The following RHBDL2 variants were observed in gnomAD, a reference collection of about 807,000 sequenced individuals.
The protein encoded by RHBDL2 is rhomboid-related protein 2.
Under a neutral mutation model 31.7 loss-of-function variants are expected in RHBDL2, and 26 were observed. The observed-to-expected ratio is 0.82, with a 90% CI of 0.60 to 1.14. The LOEUF is 1.14. Among genes scored for constraint, RHBDL2 ranks in the 50% most tolerant of loss-of-function variants. The probability of loss-of-function intolerance (pLI) is 0.00; values close to 1 mark genes in which losing one functional copy is unlikely to be tolerated. For missense variants in RHBDL2, 336 were observed against 364.4 expected, an observed-to-expected ratio of 0.92 and a Z score of 0.63; for synonymous variants, 123 against 127.2, an observed-to-expected ratio of 0.97 and a Z score of 0.22.
chr1:38,937,800 AC>A (rs1409439256), intron 1 of RHBDL2, among the ~76,000 whole-genome samples: 1 of 152,170 alleles, frequency 6.6e-6, no homozygotes, highest in Non-Finnish European at 1.5e-5. Flanking sequence ...ATTCACTGTG[AC>A]CCAGTATACA....
rs560837194 is a variant in RHBDL2 at position 38,907,474 on chromosome 1, A to T, written c.508+3848T>A. ...AGAATTGCTTGAACCTGGGAGGTGG[A>T]GGTTGCAGTGAGCCGAGATCGCGCC... is the stretch of plus-strand genomic sequence containing the variant. On this transcript the variant is annotated intron_variant, in intron 4 of 7. Transcript: ENST00000372990. Among the ~76,000 whole-genome samples, 18 of 152,328 alleles carry T rather than the reference A, an allele frequency of 1.2e-4. 1 individual carries two copies. The East Asian group carries it at 3.5e-3, about 29-fold the overall frequency.
chr1:38,887,962 C>T lies in RHBDL2; in HGVS notation c.732+1G>A. The T allele has an allele frequency of 6.2e-7, 1 of 1,602,282 alleles. No individual in the cohort carries two copies. On this transcript the variant is annotated splice_donor_variant, in intron 7 of 7. Transcript: ENST00000372990. LOFTEE classifies it high-confidence loss of function. The stretch of plus-strand genomic sequence containing the variant: ...TTATAAAAGAAAGAAACTGAACTCA[C>T]CGGAGACCCATCTTCAGGAACAAAG...
chr1:38,910,308 G>A (rs1643122618), intron 4 of RHBDL2, among the ~76,000 whole-genome samples: 1 of 152,132 alleles, frequency 6.6e-6, no homozygotes, highest in Non-Finnish European at 1.5e-5. Flanking sequence ...TTGTGATACA[G>A]TACTAATGTT....
intron 3 of RHBDL2, among the ~76,000 whole-genome samples, chr1:38,912,904 ATATATATGTG>A (rs1280548972): frequency 1.2e-3 from 40 of 32,588 alleles, no homozygotes; most frequent in African/African-American, 2.8e-3. Flanking sequence ...ATATATATAT[ATATATATGTG>A]TGTGTGTGTG....
At chr1:38,929,329 C>T (rs2124351150) in intron 1 of RHBDL2, 2 of 1,154,606 alleles carry the variant, frequency 1.7e-6, no homozygotes, top group South Asian at 2.6e-5. Flanking sequence ...TCTAGGTGGA[C>T]ACAAGCGTCC....
At chr1:38,920,161 GTTTTCTTT>G (rs1643291922) in intron 1 of RHBDL2, among the ~76,000 whole-genome samples, 2 of 84,200 alleles carry the variant, frequency 2.4e-5, no homozygotes, top group Non-Finnish European at 4.5e-5. Flanking sequence ...TCCTTCACAT[GTTTTCTTT>G]TTTTTTTTTT....
chr1:38,902,201 CT>C (rs770169792), intron 4 of RHBDL2, among the ~76,000 whole-genome samples: 551 of 92,806 alleles, frequency 5.9e-3, no homozygotes, highest in South Asian at 0.044. Flanking sequence ...TTTTCTTTTT[CT>C]TTTTTTTTTT....
At chr1:38,896,221 A>T (rs1474620085) in intron 4 of RHBDL2, 152 bp from the exon 5 acceptor site, 2 of 596,860 alleles carry the variant, frequency 3.4e-6, no homozygotes, top group East Asian at 5.8e-5. Flanking sequence ...ATAGAAGCAT[A>T]GCTGTATATG....
chr1:38,931,993 G>A (rs924787494), intron 1 of RHBDL2, among the ~76,000 whole-genome samples: 4 of 152,138 alleles, frequency 2.6e-5, no homozygotes, highest in Admixed American at 6.6e-5. Flanking sequence ...CCAATACTAC[G>A]TGGCAGAAGC....
chr1:38,917,047 T>C (rs1643247644), intron 2 of RHBDL2, among the ~76,000 whole-genome samples: 1 of 142,078 alleles, frequency 7.0e-6, no homozygotes, highest in African/African-American at 2.6e-5. Flanking sequence ...AGATGGAGTC[T>C]TGCTCTGTAG....
chr1:38,920,166 CTTTTTT>C (rs71057165), intron 1 of RHBDL2, among the ~76,000 whole-genome samples: 1 of 111,396 alleles, frequency 9.0e-6, no homozygotes, highest in Admixed American at 1.2e-4. Context: ...CACATGTTTT[CTTTTTT>C]TTTTTTTTTT....
rs147870493 is a variant in RHBDL2, at chr1:38,915,656, A to G, written c.301T>C (p.Leu101=). ...VWKPQKQWIT[L]DTGILESPFI... ...GGACTCTCCAAGATGCCTGTGTCCAACGTGATCCACTGTTTCTGAGGCTTC... is the reference window on the plus strand; with the variant it reads ...GGACTCTCCAAGATGCCTGTGTCCAGCGTGATCCACTGTTTCTGAGGCTTC... The change falls in exon 3 of 8, where the codon TTG becomes CTG. Residue 101 remains leucine, a synonymous_variant. Coordinates refer to ENST00000372990, the MANE Select transcript of RHBDL2 (RefSeq NM_017821.5). 23 of 1,614,002 alleles carry G rather than the reference A, an allele frequency of 1.4e-5. No homozygotes were observed. Among genetic ancestry groups the G allele is most frequent in the South Asian group, 1.1e-4 (10 of 91,082 alleles).
At chr1:38,908,487 G>C (rs1329110404) in intron 4 of RHBDL2, among the ~76,000 whole-genome samples, 1 of 141,056 alleles carries the variant, frequency 7.1e-6, no homozygotes, top group Admixed American at 7.4e-5. Context: ...ACTCCAACCT[G>C]GGCAACAAGA....
intron 4 of RHBDL2, among the ~76,000 whole-genome samples, chr1:38,903,407 TGGGATTACA>T (rs907419862): frequency 1.3e-5 from 2 of 152,206 alleles, no homozygotes; most frequent in African/African-American, 4.8e-5. Flanking sequence ...CCCAAAGTGC[TGGGATTACA>T]GGCATGAGCT....
chr1:38,937,645 A>G (rs769988353), intron 1 of RHBDL2, among the ~76,000 whole-genome samples: 48 of 152,138 alleles, frequency 3.2e-4, no homozygotes, highest in Non-Finnish European at 5.7e-4. Context: ...GCTAGATATA[A>G]TTCCTGGAAA....
intron 1 of RHBDL2, among the ~76,000 whole-genome samples, chr1:38,939,038 A>G (rs1300385693): frequency 6.6e-6 from 1 of 152,214 alleles, no homozygotes; most frequent in East Asian, 1.9e-4. Context: ...GAACAGGATC[A>G]TGCTTATGAT....
chr1:38,890,105 T>C (rs1238215884), intron 6 of RHBDL2, among the ~76,000 whole-genome samples: 4 of 151,550 alleles, frequency 2.6e-5, no homozygotes, highest in African/African-American at 9.7e-5. Flanking sequence ...TGGTGCAATC[T>C]CAGCTCACTG....
At chr1:38,914,681 C>A (rs560849578) in intron 3 of RHBDL2, among the ~76,000 whole-genome samples, 20 of 152,120 alleles carry the variant, frequency 1.3e-4, no homozygotes, top group African/African-American at 4.8e-4. Context: ...ATGATTTGAT[C>A]TCTTCTCATT....
chr1:38,933,010 C>A (rs1300301473), intron 1 of RHBDL2, among the ~76,000 whole-genome samples: 1 of 152,184 alleles, frequency 6.6e-6, no homozygotes, highest in Admixed American at 6.5e-5. Flanking sequence ...AACCGTAAAT[C>A]AGAGTGTATT....
Sources: allele counts gnomAD v4.1 joint callset (sites outside exome capture counted in the v4.1 genomes callset), GRCh38; gene constraint gnomAD v4.1.1; transcripts MANE v1.5; gene names NCBI Gene and HGNC (gene_info 2026-07-23, HGNC 2026-07-21).